The following TEX9 variants were observed in gnomAD, a reference collection of about 807,000 sequenced individuals.
TEX9 encodes the protein testis expressed 9.
A neutral mutation model predicts 59.6 loss-of-function variants in TEX9; 74 were observed. The observed-to-expected ratio is 1.24, with a 90% CI of 1.03 to 1.51. The LOEUF (loss-of-function observed/expected upper bound fraction) is 1.51. Ranked by LOEUF, TEX9 falls within the 40% of genes most tolerant of loss-of-function variation. The probability of loss-of-function intolerance (pLI) is 0.00; values close to 1 mark genes in which losing one functional copy is unlikely to be tolerated. For missense variants in TEX9, 522 were observed against 447.8 expected (o/e 1.17, Z -1.49); for synonymous variants, 186 against 152.2 (o/e 1.22, Z -1.64).
intron 1 of TEX9, among the ~76,000 whole-genome samples, chr15:56,308,831 T>A (rs1204255735): frequency 1.3e-5 from 2 of 152,208 alleles, no homozygotes; most frequent in Non-Finnish European, 2.9e-5. Flanking sequence ...AATTATTTTA[T>A]ACTATTGCTG....
chr15:56,300,213 A>G lies in TEX9; in HGVS notation c.-107+55935A>G, dbSNP rs1243622101. On this transcript the variant is annotated intron_variant, in intron 1 of 5. Transcript: ENST00000560827. ...AGAGCCCTTGGGCCTTGATCATCGC[A>G]GTAGCCAGGCAGTACTTGCTGTGGG... 3.3e-5 allele frequency among the ~76,000 whole-genome samples: 5 copies of G among 151,348 alleles called. No individual in the cohort carries two copies. The East Asian group carries it at 9.9e-4, about 30-fold the overall frequency.
Position 56,383,736 on chromosome 15 carries a change from C to T in TEX9, c.184-216C>T, listed in dbSNP as rs548297054. Among the ~76,000 whole-genome samples, 199 of 152,226 alleles carry T rather than the reference C, an allele frequency of 1.3e-3. 1 individual carries two copies. The highest frequency in any genetic ancestry group is 4.7e-3 in the African/African-American group (195 of 41,530). On this transcript the variant is annotated intron_variant, in intron 3 of 12. Transcript: ENST00000352903. ...AAGGCCTTGATATTCTTACATTTTC[C>T]CCTTAGGATGGAATTTTTTAACCCA...
intron 7 of TEX9, 126 bp downstream of exon 7, chr15:56,391,544 C>T: frequency 1.7e-6 from 1 of 604,178 alleles, no homozygotes; most frequent in Non-Finnish European, 2.5e-6. Context: ...TCAGAATTAT[C>T]TAGTAGGATG....
At chr15:56,376,297 TATG>T (rs750832815) in intron 3 of TEX9, among the ~76,000 whole-genome samples, 29 of 152,164 alleles carry the variant, frequency 1.9e-4, no homozygotes, top group Non-Finnish European at 3.7e-4. Context: ...TGCTGGATCA[TATG>T]ATAACTTTAG....
At chr15:56,365,794 G>T in intron 2 of TEX9, 124 bp downstream of exon 2, 1 of 1,472,408 alleles carries the variant, frequency 6.8e-7, no homozygotes, top group African/African-American at 1.4e-5. Flanking sequence ...TTCCCTTCTC[G>T]TCATCTCGTT....
At chr15:56,245,889 C>G (rs1438517011) in intron 1 of TEX9, among the ~76,000 whole-genome samples, 2 of 151,984 alleles carry the variant, frequency 1.3e-5, no homozygotes, top group African/African-American at 4.8e-5. Context: ...TGTGTGTATG[C>G]CCTATATCAC....
At chr15:56,382,056 G>C (rs1159984174) in intron 3 of TEX9, among the ~76,000 whole-genome samples, 1 of 152,142 alleles carries the variant, frequency 6.6e-6, no homozygotes, top group Non-Finnish European at 1.5e-5. Context: ...TGGCTAAGCT[G>C]GTACTCGGAC....
intron 12 of TEX9, among the ~76,000 whole-genome samples, chr15:56,433,433 A>ATAAT (rs1158342727): frequency 6.6e-6 from 1 of 152,260 alleles, no homozygotes; most frequent in Admixed American, 6.5e-5. Flanking sequence ...TATTAAAAAA[A>ATAAT]TAATTAAAAA....
chr15:56,250,029 C>T (rs887494501), intron 1 of TEX9, among the ~76,000 whole-genome samples: 3 of 152,084 alleles, frequency 2.0e-5, no homozygotes, highest in Non-Finnish European at 4.4e-5. Context: ...TCAAACCCTA[C>T]TGCAGTACTA....
intron 1 of TEX9, among the ~76,000 whole-genome samples, chr15:56,302,597 G>GA (rs1230098056): frequency 1.5e-4 from 23 of 150,024 alleles, no homozygotes; most frequent in Middle Eastern, 3.4e-3. Context: ...CATACTGCCA[G>GA]AAAAAAAAAT....
At chr15:56,264,280 G>A (rs900371807) in intron 1 of TEX9, among the ~76,000 whole-genome samples, 2 of 152,152 alleles carry the variant, frequency 1.3e-5, no homozygotes, top group African/African-American at 2.4e-5. Flanking sequence ...TCTAATAGGT[G>A]TGTGGTGGAA....
intron 1 of TEX9, among the ~76,000 whole-genome samples, chr15:56,332,525 C>T (rs1371119237): frequency 1.3e-5 from 2 of 150,634 alleles, no homozygotes; most frequent in African/African-American, 2.4e-5. Flanking sequence ...TGCTAGATCA[C>T]GAGTTAGTGG....
intron 12 of TEX9, among the ~76,000 whole-genome samples, chr15:56,438,366 C>A (rs2050763867): frequency 1.3e-5 from 2 of 151,914 alleles, no homozygotes; most frequent in South Asian, 4.2e-4. Context: ...AGGTTTGTTA[C>A]AAACCTGACA....
At chr15:56,376,887 T>C (rs1380018486) in intron 3 of TEX9, among the ~76,000 whole-genome samples, 26 of 152,152 alleles carry the variant, frequency 1.7e-4, no homozygotes, top group Admixed American at 1.7e-3. Flanking sequence ...AGTTTTGAGA[T>C]CTTAGATTTA....
chr15:56,441,504 G>A (rs1174888531), intron 12 of TEX9, among the ~76,000 whole-genome samples: 1 of 152,054 alleles, frequency 6.6e-6, no homozygotes, highest in Non-Finnish European at 1.5e-5. Flanking sequence ...ACCTGGCAAA[G>A]ATTTCATGAT....
intron 1 of TEX9, among the ~76,000 whole-genome samples, chr15:56,318,205 C>T (rs765646631): frequency 6.6e-6 from 1 of 151,974 alleles, no homozygotes; most frequent in Non-Finnish European, 1.5e-5. Flanking sequence ...GTTGAATTGA[C>T]CCTTTTATTT....
chr15:56,325,963 G>A (rs1166370510), intron 1 of TEX9, among the ~76,000 whole-genome samples: 3 of 152,100 alleles, frequency 2.0e-5, no homozygotes, highest in Non-Finnish European at 4.4e-5. Flanking sequence ...TGAACATACG[G>A]TCCCCAATTA....
intron 10 of TEX9, among the ~76,000 whole-genome samples, chr15:56,413,072 A>G (rs925282633): frequency 6.6e-6 from 1 of 151,826 alleles, no homozygotes. Flanking sequence ...TCAAATACCA[A>G]TGTTCATGAA....
At chr15:56,266,012 A>G (rs1314274596) in intron 1 of TEX9, among the ~76,000 whole-genome samples, 2 of 152,106 alleles carry the variant, frequency 1.3e-5, no homozygotes, top group African/African-American at 4.8e-5. Flanking sequence ...CTTATCTAAT[A>G]CCTTTTATTC....
Sources: gnomAD v4.1 joint callset for allele counts (sites outside exome capture counted in the v4.1 genomes callset) on GRCh38, gnomAD v4.1.1 for gene constraint, MANE v1.5 for transcripts, NCBI Gene and HGNC (gene_info 2026-07-23, HGNC 2026-07-21) for gene names.